The following TARS1 variants were observed in gnomAD, a reference collection of about 807,000 sequenced individuals.
The protein encoded by TARS1 is threonine--tRNA ligase 1, cytoplasmic.
TARS1 carries 57 observed loss-of-function variants against 97.7 expected under a neutral mutation model. That is an observed-to-expected ratio of 0.58 (90% CI 0.47 to 0.73). The LOEUF (loss-of-function observed/expected upper bound fraction) is 0.73. Ranked by LOEUF, TARS1 falls within the 30% of genes least tolerant of loss-of-function variation. The pLI, the probability that TARS1 is intolerant of heterozygous loss-of-function variation, is 0.00. For synonymous variants in TARS1, 312 were observed against 293.7 expected, an observed-to-expected ratio of 1.06 and a Z score of -0.64; for missense variants, 806 against 888.3, an observed-to-expected ratio of 0.91 and a Z score of 1.18.
chr5:33,464,925 G>A (rs1742461562), intron 17 of TARS1, among the ~76,000 whole-genome samples: 1 of 152,064 alleles, frequency 6.6e-6, no homozygotes. Flanking sequence ...AATTAGCTGG[G>A]CGCAGTGGCG....
rs34334786 is a variant in TARS1 at position 33,445,328 on chromosome 5, G to A, written c.62G>A (p.Gly21Asp). 3,009 of 1,611,470 alleles carry A rather than the reference G, an allele frequency of 1.9e-3. 50 individuals are homozygous for A. In the African/African-American group the frequency reaches 0.036, roughly 19 times the overall value. Reference protein sequence around the residue: ...GKMGGEEKPIGAGEEKQKEGG... With the variant: ...GKMGGEEKPIDAGEEKQKEGG... ...AAACGTTTTTTGCTTATTTAGATTG[G>A]TGCTGGTGAAGAGAAGCAAAAGGAA... Residue 21 changes from glycine to aspartate, a missense_variant, in exon 2 of 19, where the codon GGT becomes GAT. By Grantham distance (94) the Gly-to-Asp change is moderately conservative. This residue lies in a region of TARS1 where 356 missense variants were observed against 357.8 expected (regional missense o/e 0.99). Transcript: ENST00000265112.
chr5:33,452,935 A>G (rs1353865268), intron 3 of TARS1, among the ~76,000 whole-genome samples: 1 of 152,088 alleles, frequency 6.6e-6, no homozygotes, highest in African/African-American at 2.4e-5. Context: ...TGCGCAACAT[A>G]GCAAGACCCT....
At chr5:33,444,706 C>T (rs1741320100) in intron 1 of TARS1, among the ~76,000 whole-genome samples, 1 of 152,198 alleles carries the variant, frequency 6.6e-6, no homozygotes, top group South Asian at 2.1e-4. Context: ...ACACATAGGA[C>T]ACATTTCCTG....
chr5:33,446,426 A>G (rs1245813506), intron 2 of TARS1, among the ~76,000 whole-genome samples: 1 of 152,240 alleles, frequency 6.6e-6, no homozygotes, highest in Non-Finnish European at 1.5e-5. Flanking sequence ...TTTCAATACA[A>G]ACATACGTGC....
Position 33,455,618 on chromosome 5 carries a change from G to C in TARS1, c.607G>C (p.Glu203Gln). 1 of 1,612,534 alleles carries C rather than the reference G, an allele frequency of 6.2e-7. No homozygotes were observed. Among genetic ancestry groups the C allele is most frequent in the Non-Finnish European group, 8.5e-7 (1 of 1,179,020 alleles). The change falls in exon 6 of 19, where the codon GAG becomes CAG. Residue 203 changes from glutamate to glutamine, a missense_variant. Coordinates refer to ENST00000265112, the MANE Select transcript of TARS1 (RefSeq NM_152295.5). ...GTCTAGCAATGATTTCTCTTCTCTG[G>C]AGGCTTTGTGTAAGAAAATCATTAA... Reference protein sequence around the residue: ...GVSSNDFSSLEALCKKIIKEK... With the variant: ...GVSSNDFSSLQALCKKIIKEK...
chr5:33,463,731 A>G (rs539698412), intron 16 of TARS1, 22 bp from the exon 17 acceptor site: 41 of 1,600,912 alleles, frequency 2.6e-5, no homozygotes, highest in Non-Finnish European at 3.4e-5. Context: ...TCTACACTGA[A>G]TATTTTTATT....
intron 3 of TARS1, among the ~76,000 whole-genome samples, chr5:33,449,358 T>TATATATATAG (rs59141272): frequency 0.032 from 4,627 of 146,418 alleles, 295 homozygotes; most frequent in African/African-American, 0.11. Flanking sequence ...TATATATATA[T>TATATATATAG]CTTAAACTGG....
chr5:33,458,480 G>T, intron 9 of TARS1, 86 bp from the exon 10 acceptor site: 1 of 1,114,586 alleles, frequency 9.0e-7, no homozygotes. Flanking sequence ...ACCATATTCT[G>T]AGCTCAAGAA....
intron 5 of TARS1, 138 bp downstream of exon 5, chr5:33,455,204 A>C: frequency 8.7e-7 from 1 of 1,146,040 alleles, no homozygotes; most frequent in Non-Finnish European, 1.2e-6. Flanking sequence ...CAGTACTTGA[A>C]GTGTTGCAAT....
At chr5:33,456,839 T>G (rs1474612468) in intron 8 of TARS1, among the ~76,000 whole-genome samples, 1 of 152,246 alleles carries the variant, frequency 6.6e-6, no homozygotes, top group Non-Finnish European at 1.5e-5. Context: ...GAGGACCACT[T>G]GAGCCTGGGA....
chr5:33,460,887 T>C lies in TARS1; in HGVS notation c.1251-15T>C. ...TTATTCTTAAGTGTCCGTGGACTTT[T>C]CTTTTTCTCTTCAGCCTTATGTTTG... On this transcript the variant is annotated splice_polypyrimidine_tract_variant and intron_variant, in intron 11 of 18. Transcript: ENST00000265112. 1 of 1,613,604 alleles carries C rather than the reference T, an allele frequency of 6.2e-7. No homozygotes were observed.
At chr5:33,454,342 CCTTAATACTAAAT>C (rs1158015989) in intron 4 of TARS1, among the ~76,000 whole-genome samples, 1 of 152,170 alleles carries the variant, frequency 6.6e-6, no homozygotes, top group African/African-American at 2.4e-5. Context: ...CACTTTGGTA[CCTTAATACTAAAT>C]CTTGAAAACA....
intron 2 of TARS1, chr5:33,446,642 A>C (rs1320457987): frequency 4.7e-6 from 6 of 1,283,842 alleles, no homozygotes; most frequent in Non-Finnish European, 5.1e-6. Flanking sequence ...CTGCAATCAC[A>C]GAGACTGACA....
In TARS1 at chr5:33,461,264, G is replaced by A. The variant is rs199969208; in HGVS notation, c.1520G>A (p.Gly507Glu). 5 of 1,613,760 alleles carry A rather than the reference G, an allele frequency of 3.1e-6. No individual in the cohort carries two copies. The highest frequency in any genetic ancestry group is 4.2e-6 in the Non-Finnish European group (5 of 1,179,938). ...NLSTRPEKFL[G>E]DIEVWDQAEK... ...TCTACTCGCCCGGAAAAATTCCTTG[G>A]AGATATCGAAGTATGGGATCAAGCT... The change falls in exon 13 of 19, where the codon GGA becomes GAA. Residue 507 changes from glycine to glutamate, a missense_variant. Transcript: ENST00000265112.
intron 2 of TARS1, chr5:33,445,928 C>T (rs1432526436): frequency 6.5e-6 from 1 of 154,036 alleles, no homozygotes; most frequent in South Asian, 2.0e-4. Context: ...TCTCCAGGCT[C>T]ACACTGAAAG....
intron 2 of TARS1, among the ~76,000 whole-genome samples, chr5:33,448,279 A>G (rs1741520186): frequency 6.6e-6 from 1 of 152,240 alleles, no homozygotes; most frequent in African/African-American, 2.4e-5. Flanking sequence ...AAGACATCTT[A>G]AAAGAGAAAA....
At chr5:33,446,692 C>T (rs1741436526) in intron 2 of TARS1, 1 of 1,289,372 alleles carries the variant, frequency 7.8e-7, no homozygotes, top group Non-Finnish European at 1.0e-6. Flanking sequence ...GAGATTTTGA[C>T]ACGAAATTCT....
chr5:33,458,511 T>C, intron 9 of TARS1, 55 bp from the exon 10 acceptor site: 2 of 1,471,876 alleles, frequency 1.4e-6, no homozygotes, highest in South Asian at 1.2e-5. Context: ...TATGTATATA[T>C]ACACACACGT....
At chr5:33,450,538 A>G (rs1397402906) in intron 3 of TARS1, among the ~76,000 whole-genome samples, 1 of 152,232 alleles carries the variant, frequency 6.6e-6, no homozygotes, top group Non-Finnish European at 1.5e-5. Flanking sequence ...CAAAGGAAGT[A>G]AAAAGTTGTA....
Sources: allele counts gnomAD v4.1 joint callset (sites outside exome capture counted in the v4.1 genomes callset), GRCh38; gene constraint gnomAD v4.1.1; regional missense constraint gnomAD v4.1.1; transcripts MANE v1.5; gene names NCBI Gene and HGNC (gene_info 2026-07-23, HGNC 2026-07-21).